GDAP1: variants seen among roughly 807,000 people sequenced by gnomAD.
GDAP1 encodes the protein ganglioside induced differentiation associated protein 1.
Under a neutral mutation model 40.1 loss-of-function variants are expected in GDAP1, and 34 were observed. The ratio of observed to expected loss-of-function variants is 0.85; its 90% confidence interval spans 0.64 to 1.13. The LOEUF (loss-of-function observed/expected upper bound fraction) is 1.13, where lower values mean the gene tolerates loss of function less well. Ranked by LOEUF, GDAP1 falls within the 50% of genes most tolerant of loss-of-function variation. The pLI is 0.00. For missense variants in GDAP1, 374 were observed against 433.7 expected, an observed-to-expected ratio of 0.86 and a Z score of 1.22; for synonymous variants, 170 against 157.4, an observed-to-expected ratio of 1.08 and a Z score of -0.60.
chr8:74,357,313 A>G (rs13254381), intron 2 of GDAP1, among the ~76,000 whole-genome samples: 77,518 of 151,874 alleles, frequency 0.51, 19,941 homozygotes, highest in African/African-American at 0.59. Flanking sequence ...GAATTTTGTA[A>G]AATAATGAAA....
intron 2 of GDAP1, among the ~76,000 whole-genome samples, chr8:74,388,992 G>C (rs1211969098): frequency 6.6e-6 from 1 of 152,040 alleles, no homozygotes; most frequent in Non-Finnish European, 1.5e-5. Context: ...TCAGAGATTA[G>C]GATTGCAACC....
downstream of GDAP1, among the ~76,000 whole-genome samples, chr8:74,368,537 C>G (rs866866835): frequency 2.6e-5 from 4 of 152,156 alleles, no homozygotes; most frequent in Non-Finnish European, 4.4e-5. Context: ...CATTCCCTTG[C>G]AACATGATGT....
At chr8:74,424,944 TG>T (rs1478880630) in intron 2 of GDAP1, among the ~76,000 whole-genome samples, 2 of 152,218 alleles carry the variant, frequency 1.3e-5, no homozygotes, top group African/African-American at 4.8e-5. Flanking sequence ...CCTCTTATAT[TG>T]TTTTATACTC....
Position 74,401,515 on chromosome 8 carries a change from G to A in GDAP1, c.165+50194G>A, listed in dbSNP as rs181591656. Reference sequence around the variant, plus strand: ...TGGTTTGAATTTCCTCCTGTAGCTCGGAGTAGTTTGATCGTCTGAAGCCTT... The same window carrying A: ...TGGTTTGAATTTCCTCCTGTAGCTCAGAGTAGTTTGATCGTCTGAAGCCTT... On this transcript the variant is annotated intron_variant, in intron 2 of 2. Transcript: ENST00000523640. Among the ~76,000 whole-genome samples the A allele has an allele frequency of 6.2e-3, 929 of 149,834 alleles. 100 individuals are homozygous for A. Among genetic ancestry groups the A allele is most frequent in the African/African-American group, 0.022 (864 of 39,264 alleles).
intron 2 of GDAP1, among the ~76,000 whole-genome samples, chr8:74,412,332 T>C (rs1805725296): frequency 1.3e-5 from 2 of 149,944 alleles, no homozygotes; most frequent in South Asian, 4.1e-4. Context: ...GTCCAACATA[T>C]AAAAGTCAAG....
At chr8:74,456,963 A>G (rs1482842205) in intron 2 of GDAP1, among the ~76,000 whole-genome samples, 1 of 152,074 alleles carries the variant, frequency 6.6e-6, no homozygotes, top group Non-Finnish European at 1.5e-5. Context: ...AGCCAACTCC[A>G]GGAGATTTAA....
At chr8:74,423,511 ATGT>A (rs1381254225) in intron 2 of GDAP1, among the ~76,000 whole-genome samples, 5 of 151,130 alleles carry the variant, frequency 3.3e-5, no homozygotes, top group African/African-American at 1.2e-4. Flanking sequence ...TGAACTGATG[ATGT>A]TGTCATTAGT....
At chr8:74,390,195 C>T (rs1285208158) in intron 2 of GDAP1, among the ~76,000 whole-genome samples, 1 of 152,220 alleles carries the variant, frequency 6.6e-6, no homozygotes, top group Admixed American at 6.5e-5. Context: ...ATTCATCAAA[C>T]TCATCCTCCA....
intron 2 of GDAP1, among the ~76,000 whole-genome samples, chr8:74,422,327 TTCTTTCTTTCTTTCTTTCTTTCTTC>T (rs1433176243): frequency 0.022 from 1,418 of 63,988 alleles, 33 homozygotes; most frequent in South Asian, 0.06. Flanking sequence ...CTTTCTTTCT[TTCTTTCTTTCTTTCTTTCTTTCTTC>T]CCTTCCTTCC....
At chr8:74,438,288 CA>C (rs1284188422) in intron 2 of GDAP1, among the ~76,000 whole-genome samples, 1 of 151,544 alleles carries the variant, frequency 6.6e-6, no homozygotes, top group Non-Finnish European at 1.5e-5. Flanking sequence ...AAAACAACAA[CA>C]AAAAAAGAAG....
chr8:74,416,000 T>C (rs1200783866), intron 2 of GDAP1, among the ~76,000 whole-genome samples: 1 of 149,820 alleles, frequency 6.7e-6, no homozygotes, highest in Non-Finnish European at 1.5e-5. Flanking sequence ...GTGGTTTCTG[T>C]CTCTGCAGGG....
chr8:74,391,236 A>G (rs1470293384), intron 2 of GDAP1, among the ~76,000 whole-genome samples: 6 of 152,058 alleles, frequency 3.9e-5, no homozygotes, highest in African/African-American at 1.4e-4. Context: ...TGAAAAAAAA[A>G]ACTCCTACAG....
At chr8:74,416,867 A>G (rs1805786077) in intron 2 of GDAP1, among the ~76,000 whole-genome samples, 1 of 149,580 alleles carries the variant, frequency 6.7e-6, no homozygotes, top group Non-Finnish European at 1.5e-5. Flanking sequence ...TTCAGACAGC[A>G]GAACTTGAAT....
intron 2 of GDAP1, among the ~76,000 whole-genome samples, chr8:74,432,163 C>G (rs1430994101): frequency 2.0e-5 from 3 of 152,020 alleles, no homozygotes; most frequent in Non-Finnish European, 4.4e-5. Flanking sequence ...GCCATTTTTC[C>G]TTTGGAGGGT....
At chr8:74,395,815 T>C (rs1810188992) in intron 2 of GDAP1, among the ~76,000 whole-genome samples, 1 of 152,224 alleles carries the variant, frequency 6.6e-6, no homozygotes, top group African/African-American at 2.4e-5. Flanking sequence ...CTCACATTTA[T>C]TTTAACCTCT....
At chr8:74,446,082 TTAAAA>T (rs1365358472) in intron 2 of GDAP1, among the ~76,000 whole-genome samples, 1 of 152,200 alleles carries the variant, frequency 6.6e-6, no homozygotes, top group Non-Finnish European at 1.5e-5. Context: ...TCTCAGCTAA[TTAAAA>T]TAAAAACCTT....
At chr8:74,461,633 CTAAT>C (rs761229384) in intron 2 of GDAP1, among the ~76,000 whole-genome samples, 67 of 152,278 alleles carry the variant, frequency 4.4e-4, no homozygotes, top group African/African-American at 1.5e-3. Flanking sequence ...TGTTAGGTGA[CTAAT>C]TGATTGGGTT....
chr8:74,353,953 C>T (rs533837745), intron 2 of GDAP1, among the ~76,000 whole-genome samples: 2 of 152,202 alleles, frequency 1.3e-5, no homozygotes, highest in South Asian at 2.1e-4. Context: ...ATGTCCCTAA[C>T]ACTTCTAAAA....
At chr8:74,441,028 A>C (rs941987803) in intron 2 of GDAP1, among the ~76,000 whole-genome samples, 1 of 151,604 alleles carries the variant, frequency 6.6e-6, no homozygotes, top group African/African-American at 2.4e-5. Context: ...TTTAGAAACT[A>C]TAATTAGCTA....
Sources: gnomAD v4.1 joint callset for allele counts (sites outside exome capture counted in the v4.1 genomes callset) on GRCh38, gnomAD v4.1.1 for gene constraint, MANE v1.5 for transcripts, NCBI Gene and HGNC (gene_info 2026-07-23, HGNC 2026-07-21) for gene names.